RASGRF2: variants seen among roughly 807,000 people sequenced by gnomAD.
The protein encoded by RASGRF2 is ras-specific guanine nucleotide-releasing factor 2.
A neutral mutation model predicts 151.0 loss-of-function variants in RASGRF2; 76 were observed. The observed-to-expected ratio is 0.50, with a 90% CI of 0.42 to 0.61. RASGRF2 has a LOEUF of 0.61. Among genes scored for constraint, RASGRF2 ranks in the 20% least tolerant of loss-of-function variants. The pLI, the probability that RASGRF2 is intolerant of heterozygous loss-of-function variation, is 0.00. For missense variants in RASGRF2, 1,148 were observed against 1,564.6 expected (o/e 0.73, Z 4.49); for synonymous variants, 504 against 566.5 (o/e 0.89, Z 1.57).
intron 1 of RASGRF2, among the ~76,000 whole-genome samples, chr5:80,964,059 G>A (rs772692876): frequency 2.7e-5 from 4 of 150,036 alleles, no homozygotes; most frequent in South Asian, 2.1e-4. Flanking sequence ...AAAAAAGAAA[G>A]TCACTTTCCA....
At position 81,148,127 on chromosome 5, in the gene RASGRF2, T is replaced by A. The variant is rs115383340; in HGVS notation, c.2686+20964T>A. On this transcript the variant is annotated intron_variant, in intron 17 of 26. Coordinates refer to ENST00000265080, the MANE Select transcript of RASGRF2 (RefSeq NM_006909.3). ...TATTCATTACAACGAGCCTGTGAAG[T>A]AGGAAGGCAGATATCATCTTCCTCT... 4.4e-3 allele frequency among the ~76,000 whole-genome samples: 673 copies of A among 152,296 alleles called. 6 individuals carry two copies. The highest frequency in any genetic ancestry group is 7.0e-3 in the Non-Finnish European group (479 of 68,026).
chr5:81,087,740 G>A (rs544597730), intron 9 of RASGRF2: 2 of 230,228 alleles, frequency 8.7e-6, no homozygotes, highest in African/African-American at 4.5e-5. Context: ...ACAATATATT[G>A]CACACATTTA....
rs1436776297 is a variant in RASGRF2, at chr5:81,227,550, C to G, written c.*1780C>G. On this transcript the variant is annotated 3_prime_UTR_variant, in exon 27 of 27. Coordinates refer to ENST00000265080, the MANE Select transcript of RASGRF2 (RefSeq NM_006909.3). Reference sequence around the variant, plus strand: ...ACGCATCTTGATGCATGATGAGAAGCATGGGCTGTTTGGATCCTAACAACG... The same window carrying G: ...ACGCATCTTGATGCATGATGAGAAGGATGGGCTGTTTGGATCCTAACAACG... 6.6e-6 allele frequency: 1 copy of G among 152,164 alleles called. No homozygotes were observed. Among genetic ancestry groups the G allele is most frequent in the African/African-American group, 2.4e-5 (1 of 41,430 alleles). The allele number at this position is 152,164 out of a possible 1,614,324, so 9.4% of individuals were successfully genotyped here.
intron 1 of RASGRF2, among the ~76,000 whole-genome samples, chr5:81,024,207 CTG>C (rs1561560689): frequency 6.8e-6 from 1 of 147,930 alleles, no homozygotes; most frequent in African/African-American, 2.5e-5. Flanking sequence ...TGGTAAAATT[CTG>C]CTGAAAATTT....
intron 12 of RASGRF2, among the ~76,000 whole-genome samples, chr5:81,102,315 T>C (rs1259842911): frequency 6.6e-6 from 1 of 152,218 alleles, no homozygotes; most frequent in Non-Finnish European, 1.5e-5. Context: ...AAAAAGAACC[T>C]AAAAAACTGT....
At chr5:81,075,487 C>G (rs1751911136) in intron 5 of RASGRF2, among the ~76,000 whole-genome samples, 1 of 152,190 alleles carries the variant, frequency 6.6e-6, no homozygotes, top group African/African-American at 2.4e-5. Context: ...TCTCCCCTAC[C>G]TGGAGCCTTC....
intron 24 of RASGRF2, chr5:81,217,085 G>T: frequency 2.2e-6 from 1 of 459,764 alleles, no homozygotes; most frequent in Non-Finnish European, 4.1e-6. Context: ...GCTAGCAAAT[G>T]CTTTGTATTT....
chr5:81,137,184 C>T (rs1308495644), intron 17 of RASGRF2, among the ~76,000 whole-genome samples: 3 of 152,052 alleles, frequency 2.0e-5, no homozygotes, highest in Non-Finnish European at 4.4e-5. Context: ...GTATGGTATT[C>T]AATAAATTAT....
Position 81,207,295 on chromosome 5 carries a change from TG to T in RASGRF2, c.3019del (p.Ala1007GlnfsTer26). 3 of 1,614,200 alleles carry T rather than the reference TG, an allele frequency of 1.9e-6. No individual in the cohort carries two copies. Among genetic ancestry groups the T allele is most frequent in the Non-Finnish European group, 2.5e-6 (3 of 1,180,032 alleles). The part of the protein sequence containing the change: ...ECFESLSAME[L>X]AEQITLLDHV... ...TTTGAGTCCTTGTCGGCCATGGAGC[TG>T]GCAGAACAGATCACCCTCCTGGACC... On this transcript the variant is annotated frameshift_variant, in exon 21 of 27. Coordinates refer to ENST00000265080, the MANE Select transcript of RASGRF2 (RefSeq NM_006909.3). LOFTEE classifies it high-confidence loss of function.
At chr5:81,161,660 A>G (rs564094798) in intron 17 of RASGRF2, among the ~76,000 whole-genome samples, 1 of 152,228 alleles carries the variant, frequency 6.6e-6, no homozygotes, top group Non-Finnish European at 1.5e-5. Flanking sequence ...TAGACATTCT[A>G]CAGCTGCAGA....
At chr5:81,089,822 C>T (rs1281653516) in intron 9 of RASGRF2, among the ~76,000 whole-genome samples, 3 of 152,124 alleles carry the variant, frequency 2.0e-5, no homozygotes, top group Non-Finnish European at 2.9e-5. Context: ...TAAAAATGAG[C>T]TAATGCTCAC....
intron 18 of RASGRF2, among the ~76,000 whole-genome samples, chr5:81,197,462 C>CAAAAAAAAAA (rs10674027): frequency 6.3e-5 from 4 of 63,720 alleles, no homozygotes; most frequent in Admixed American, 2.6e-4. Context: ...GACTCCGTCT[C>CAAAAAAAAAA]AAAAAAAAAA....
intron 18 of RASGRF2, among the ~76,000 whole-genome samples, chr5:81,195,079 G>T (rs958659512): frequency 6.6e-6 from 1 of 152,150 alleles, no homozygotes; most frequent in African/African-American, 2.4e-5. Flanking sequence ...TAAGTACCTC[G>T]GGGTCTCTTG....
intron 1 of RASGRF2, among the ~76,000 whole-genome samples, chr5:80,995,654 A>G (rs1748821116): frequency 1.4e-5 from 2 of 147,254 alleles, no homozygotes; most frequent in South Asian, 4.3e-4. Context: ...GTTTTAATTA[A>G]TATACAAATC....
intron 1 of RASGRF2, among the ~76,000 whole-genome samples, chr5:80,976,348 A>G (rs1748114166): frequency 1.3e-5 from 2 of 152,222 alleles, no homozygotes; most frequent in Non-Finnish European, 2.9e-5. Flanking sequence ...GAGGCTTAGA[A>G]CGGTTTAGTA....
At chr5:81,117,885 A>T (rs4703823) in intron 15 of RASGRF2, among the ~76,000 whole-genome samples, 37 of 152,308 alleles carry the variant, frequency 2.4e-4, no homozygotes, top group Admixed American at 7.8e-4. Flanking sequence ...ACATGCCTCA[A>T]GTAAGTCTGA....
intron 17 of RASGRF2, among the ~76,000 whole-genome samples, chr5:81,149,756 C>T (rs896507508): frequency 9.2e-5 from 14 of 152,126 alleles, no homozygotes; most frequent in African/African-American, 3.1e-4. Context: ...CAGCTTTATG[C>T]ATATATATTT....
At position 81,106,853 on chromosome 5, in the gene RASGRF2, C is replaced by T. The variant is rs572037085; in HGVS notation, c.1756-2143C>T. Among the ~76,000 whole-genome samples, 27 of 152,242 alleles carry T rather than the reference C, an allele frequency of 1.8e-4. No individual in the cohort carries two copies. In the South Asian group the frequency reaches 2.3e-3, roughly 13 times the overall value. ...AACTTCCTGATGCTCACGACTTACA[C>T]GAACTAGGATAAGAGAAGCAGCATT... On this transcript the variant is annotated intron_variant, in intron 12 of 26. Transcript: ENST00000265080.
Position 81,229,868 on chromosome 5 carries a change from C to A in RASGRF2, c.*4098C>A, listed in dbSNP as rs1432968962. 2 of 152,138 alleles carry A rather than the reference C, an allele frequency of 1.3e-5. No individual in the cohort carries two copies. Among genetic ancestry groups the A allele is most frequent in the East Asian group, 3.9e-4 (2 of 5,190 alleles). 9.4% of individuals were successfully genotyped at this position (152,138 alleles called of 1,614,324 possible). A position where few individuals can be genotyped will look rare whatever the true frequency, so the allele number is the denominator to read the frequency against. On this transcript the variant is annotated 3_prime_UTR_variant, in exon 27 of 27. Coordinates refer to ENST00000265080, the MANE Select transcript of RASGRF2 (RefSeq NM_006909.3). Reference sequence around the variant, plus strand: ...TTATCTCACAGGGCTATTGTGAGGACCAAATGGATTAGACTGTAAACTGCA... The same window carrying A: ...TTATCTCACAGGGCTATTGTGAGGAACAAATGGATTAGACTGTAAACTGCA...
Sources: gnomAD v4.1 joint callset for allele counts (sites outside exome capture counted in the v4.1 genomes callset) on GRCh38, gnomAD v4.1.1 for gene constraint, MANE v1.5 for transcripts, NCBI Gene and HGNC (gene_info 2026-07-23, HGNC 2026-07-21) for gene names.